MASP1: variants seen among roughly 807,000 people sequenced by gnomAD.
MASP1 encodes the protein mannan-binding lectin serine protease 1.
Under a neutral mutation model 77.1 loss-of-function variants are expected in MASP1, and 59 were observed. The observed-to-expected ratio is 0.77, with a 90% CI of 0.62 to 0.95. MASP1 has a LOEUF of 0.95. MASP1 is among the 40% of genes least tolerant of loss of function. MASP1 has a pLI of 0.00. For missense variants in MASP1, 885 were observed against 912.9 expected (o/e 0.97, Z 0.39); for synonymous variants, 362 against 354.5 (o/e 1.02, Z -0.24).
intron 2 of MASP1, among the ~76,000 whole-genome samples, chr3:187,263,462 GA>G (rs1382267416): frequency 6.6e-6 from 1 of 152,174 alleles, no homozygotes; most frequent in Non-Finnish European, 1.5e-5. Flanking sequence ...AGTAGCCAGG[GA>G]GTCTGTGGGG....
chr3:187,224,788 G>C (rs1031706844), intron 13 of MASP1, among the ~76,000 whole-genome samples: 3 of 152,204 alleles, frequency 2.0e-5, no homozygotes, highest in Non-Finnish European at 4.4e-5. Flanking sequence ...TTTCAGAAAG[G>C]CAGGAAGACT....
downstream of MASP1, chr3:187,230,012 C>T: frequency 8.2e-7 from 1 of 1,218,288 alleles, no homozygotes; most frequent in Non-Finnish European, 1.1e-6. Flanking sequence ...TGCTCCTCCA[C>T]CATTAATTGA....
At position 187,234,818 on chromosome 3, in the gene MASP1, G is replaced by C. The variant is rs1011915401; in HGVS notation, c.*866C>G. On this transcript the variant is annotated 3_prime_UTR_variant, in exon 11 of 11. Transcript: ENST00000296280. Reference sequence around the variant, plus strand: ...CATATTCGGGCCTGGGCTTCAGGTAGCCTTTCAGATAATACATTTCAAGGC... The same window carrying C: ...CATATTCGGGCCTGGGCTTCAGGTACCCTTTCAGATAATACATTTCAAGGC... The C allele has an allele frequency of 1.6e-6, 2 of 1,287,150 alleles. No individual in the cohort carries two copies. The highest frequency in any genetic ancestry group is 1.5e-5 in the African/African-American group (1 of 65,804). The allele number at this position is 1,287,150 out of a possible 1,614,324, so 79.7% of individuals were successfully genotyped here.
intron 2 of MASP1, among the ~76,000 whole-genome samples, chr3:187,273,914 G>A (rs959000800): frequency 1.3e-5 from 2 of 152,154 alleles, no homozygotes; most frequent in African/African-American, 2.4e-5. Context: ...CATAAAAAAA[G>A]AGTAATAATA....
Position 187,243,616 on chromosome 3 carries a change from C to T in MASP1, c.1096G>A (p.Asp366Asn), listed in dbSNP as rs762207733. Residue 366 changes from aspartate to asparagine, a missense_variant, in exon 9 of 11, where the codon GAC becomes AAC. Coordinates refer to ENST00000296280, the MANE Select transcript of MASP1 (RefSeq NM_139125.4). ...SNKIPTCKIV[D>N]CRAPGELEHG... ...TCCAGCTCTCCTGGGGCTCTACAGT[C>T]TACAACTGAGAGAGAAGAAGTGAGA... 6.2e-7 allele frequency: 1 copy of T among 1,614,218 alleles called. No individual in the cohort carries two copies. Among genetic ancestry groups the T allele is most frequent in the Non-Finnish European group, 8.5e-7 (1 of 1,180,052 alleles).
At chr3:187,287,441 A>G (rs1717956828) in intron 1 of MASP1, among the ~76,000 whole-genome samples, 1 of 152,108 alleles carries the variant, frequency 6.6e-6, no homozygotes, top group African/African-American at 2.4e-5. Context: ...CTCCCTGCAC[A>G]TTTCTCTATT....
At chr3:187,253,036 C>A (rs1003981629) in intron 6 of MASP1, 132 bp downstream of exon 6, 2 of 1,174,622 alleles carry the variant, frequency 1.7e-6, no homozygotes, top group Admixed American at 3.6e-5. Flanking sequence ...GTGCCTTGGT[C>A]CCCAGCTGCT....
chr3:187,229,976 AC>A (rs1712672938), downstream of MASP1: 1 of 1,548,534 alleles, frequency 6.5e-7, no homozygotes, highest in African/African-American at 1.4e-5. Flanking sequence ...CCAGCTCCTC[AC>A]CCTGTTAGGA....
chr3:187,260,593 G>A, intron 4 of MASP1, 148 bp downstream of exon 4: 1 of 1,121,016 alleles, frequency 8.9e-7, no homozygotes, highest in Non-Finnish European at 1.3e-6. Context: ...GGGCATTTCT[G>A]CATCTTCATC....
intron 9 of MASP1, chr3:187,243,090 G>T (rs1413651153): frequency 9.7e-6 from 3 of 310,318 alleles, no homozygotes; most frequent in Non-Finnish European, 1.9e-5. Context: ...CCTTTTTTTG[G>T]AAACCCCAAC....
At chr3:187,228,429 G>A (rs1712565683) in intron 11 of MASP1, among the ~76,000 whole-genome samples, 1 of 152,082 alleles carries the variant, frequency 6.6e-6, no homozygotes, top group African/African-American at 2.4e-5. Flanking sequence ...GCCCTCGCTG[G>A]CAGCTCTTCC....
Position 187,234,774 on chromosome 3 carries a change from A to G in MASP1, c.*910T>C. ...CACAGTGTGGGTCTTTTCTTTTTCC[A>G]GGTAATCGACTAAGTCCCCATATTC... On this transcript the variant is annotated 3_prime_UTR_variant, in exon 11 of 11. Coordinates refer to ENST00000296280, the MANE Select transcript of MASP1 (RefSeq NM_139125.4). 1.6e-6 allele frequency: 2 copies of G among 1,287,226 alleles called. No homozygotes were observed. Among genetic ancestry groups the G allele is most frequent in the Non-Finnish European group, 1.0e-6 (1 of 988,692 alleles). The allele number at this position is 1,287,226 out of a possible 1,614,324, so 79.7% of individuals were successfully genotyped here.
chr3:187,289,070 G>A (rs992864992), intron 1 of MASP1, among the ~76,000 whole-genome samples: 9 of 152,036 alleles, frequency 5.9e-5, no homozygotes, highest in Admixed American at 2.6e-4. Context: ...ACGAGGCACC[G>A]GCTGTATAGT....
chr3:187,278,590 T>A (rs1717153122), intron 2 of MASP1, among the ~76,000 whole-genome samples: 1 of 152,192 alleles, frequency 6.6e-6, no homozygotes, highest in Non-Finnish European at 1.5e-5. Flanking sequence ...TCAATGCACT[T>A]CAGTGCACTC....
intron 2 of MASP1, 48 bp from the exon 3 acceptor site, chr3:187,262,768 G>A: frequency 6.4e-7 from 1 of 1,568,512 alleles, no homozygotes. Flanking sequence ...TTCCCAGCTA[G>A]GCTTCTTTCC....
At position 187,262,612 on chromosome 3, in the gene MASP1, T is replaced by G; in HGVS notation, c.346A>C (p.Ile116Leu). The G allele has an allele frequency of 6.2e-7, 1 of 1,614,094 alleles. No individual in the cohort carries two copies. Among genetic ancestry groups the G allele is most frequent in the Non-Finnish European group, 8.5e-7 (1 of 1,180,004 alleles). Residue 116 changes from isoleucine (I) to leucine (L), a missense_variant, in exon 3 of 11, where the codon ATC becomes CTC. Coordinates refer to ENST00000296280, the MANE Select transcript of MASP1 (RefSeq NM_139125.4). The part of the protein sequence containing the change: ...VVLSPGSFMS[I>L]TFRSDFSNEE... The stretch of plus-strand genomic sequence containing the variant: ...TTGGAGAAATCTGACCGGAAAGTGA[T>G]GGACATGAAGGAGCCAGGGGAGAGG...
intron 2 of MASP1, among the ~76,000 whole-genome samples, chr3:187,267,309 C>T: frequency 6.6e-6 from 1 of 152,204 alleles, no homozygotes; most frequent in East Asian, 1.9e-4. Flanking sequence ...CTCCTGGAGC[C>T]TTTCTGAAAT....
At chr3:187,285,648 CT>C (rs1405932001) in intron 2 of MASP1, among the ~76,000 whole-genome samples, 176 bp downstream of exon 2, 1 of 152,028 alleles carries the variant, frequency 6.6e-6, no homozygotes, top group African/African-American at 2.4e-5. Flanking sequence ...CTTCATGGAC[CT>C]TTCTAGTTCT....
downstream of MASP1, chr3:187,229,920 G>T (rs1391926697): frequency 6.2e-7 from 1 of 1,613,852 alleles, no homozygotes; most frequent in Non-Finnish European, 8.5e-7. Context: ...GAGGGAGGGA[G>T]AGACAGATCA....
Sources: allele counts gnomAD v4.1 joint callset (sites outside exome capture counted in the v4.1 genomes callset), GRCh38; gene constraint gnomAD v4.1.1; transcripts MANE v1.5; gene names NCBI Gene and HGNC (gene_info 2026-07-23, HGNC 2026-07-21).